Variants in CAP2 observed in about 807,000 individuals in gnomAD.
The protein encoded by CAP2 is cyclase associated actin cytoskeleton regulatory protein 2, also known as adenylyl cyclase-associated protein 2.
Under a neutral mutation model 57.7 loss-of-function variants are expected in CAP2, and 24 were observed. That is an observed-to-expected ratio of 0.42 (90% CI 0.30 to 0.58). The LOEUF (loss-of-function observed/expected upper bound fraction) is 0.58, where lower values mean the gene tolerates loss of function less well. Ranked by LOEUF, CAP2 falls within the 20% of genes least tolerant of loss-of-function variation. The pLI is 0.22. For synonymous variants in CAP2, 194 were observed against 207.2 expected (o/e 0.94, Z 0.55); for missense variants, 501 against 590.3 (o/e 0.85, Z 1.57).
chr6:17,412,370 G>C (rs1022646922), intron 1 of CAP2, among the ~76,000 whole-genome samples: 1 of 152,174 alleles, frequency 6.6e-6, no homozygotes, highest in Non-Finnish European at 1.5e-5. Context: ...TTAAGCCACT[G>C]AATGAGGAAG....
chr6:17,443,879 TATAAC>T (rs1393604085), intron 3 of CAP2, among the ~76,000 whole-genome samples: 3 of 152,240 alleles, frequency 2.0e-5, no homozygotes, highest in South Asian at 4.1e-4. Flanking sequence ...ACACATATGT[TATAAC>T]ATATTACACA....
rs192559993 is a variant in CAP2, at chr6:17,489,123, C to T, written c.301-18046C>T. Among the ~76,000 whole-genome samples the T allele has an allele frequency of 5.7e-3, 872 of 152,222 alleles. 6 individuals are homozygous for T. The highest frequency in any genetic ancestry group is 0.017 in the Middle Eastern group (5 of 294). On this transcript the variant is annotated intron_variant, in intron 4 of 12. Coordinates refer to ENST00000229922, the MANE Select transcript of CAP2 (RefSeq NM_006366.3). ...AATAAAATTGATGGCCACCATGAGC[C>T]ACAGAGAAACTACCTTTAAAGAAAA...
chr6:17,487,452 G>GGTTTGTTT (rs71819597), intron 4 of CAP2, among the ~76,000 whole-genome samples: 1,571 of 151,410 alleles, frequency 0.01, 22 homozygotes, highest in African/African-American at 0.036. Flanking sequence ...CCACCAGGTG[G>GGTTTGTTT]GTTTGTTTGT....
At position 17,543,562 on chromosome 6, in the gene CAP2, A is replaced by G. The variant is rs1762959891; in HGVS notation, c.1209+419A>G. On this transcript the variant is annotated intron_variant, in intron 11 of 12. Transcript: ENST00000229922. ...CGTGAACCCAGGAGGTGGAGCTTGCAGTGAGCGAGCCAAGATCGCGCCACT... is the reference window on the plus strand; with the variant it reads ...CGTGAACCCAGGAGGTGGAGCTTGCGGTGAGCGAGCCAAGATCGCGCCACT... 3.4e-5 allele frequency among the ~76,000 whole-genome samples: 5 copies of G among 146,316 alleles called. No homozygotes were observed. The South Asian group carries it at 1.1e-3, about 32-fold the overall frequency.
At chr6:17,474,185 C>CTTTTTTTTTTTTTTTTTT (rs544909381) in intron 4 of CAP2, among the ~76,000 whole-genome samples, 8 of 93,210 alleles carry the variant, frequency 8.6e-5, no homozygotes, top group Non-Finnish European at 1.2e-4. Context: ...AAAAAACAGT[C>CTTTTTTTTTTTTTTTTTT]TTTTTTTTTT....
At chr6:17,498,950 C>T (rs1364561464) in intron 4 of CAP2, among the ~76,000 whole-genome samples, 1 of 151,728 alleles carries the variant, frequency 6.6e-6, no homozygotes, top group African/African-American at 2.4e-5. Context: ...AGGATGGTCT[C>T]AATCTCCTGA....
chr6:17,425,931 C>CA (rs1321326651), intron 2 of CAP2, among the ~76,000 whole-genome samples: 2 of 151,868 alleles, frequency 1.3e-5, no homozygotes, highest in Admixed American at 6.6e-5. Flanking sequence ...CCTGTCTCTA[C>CA]AAAAACTACA....
Position 17,539,335 on chromosome 6 carries a change from C to G in CAP2, c.703C>G (p.Pro235Ala), listed in dbSNP as rs766800946. 6.3e-5 allele frequency: 101 copies of G among 1,613,882 alleles called. No individual in the cohort carries two copies. The Middle Eastern group carries it at 6.6e-4, about 11-fold the overall frequency. ...LSSGPGLPPP[P>A]PPLPPPGPPP... is the part of the protein sequence containing the mutation. ...CTCTGGGCCTGGCCTTCCTCCACCC[C>G]CTCCTCCTCTGCCTCCTCCAGGGCC... The change falls in exon 8 of 13, where the codon CCT (proline) becomes GCT (alanine). Residue 235 changes from proline to alanine, a missense_variant. Transcript: ENST00000229922.
At chr6:17,451,059 T>G (rs1459494528) in intron 3 of CAP2, among the ~76,000 whole-genome samples, 1 of 152,150 alleles carries the variant, frequency 6.6e-6, no homozygotes, top group Admixed American at 6.5e-5. Context: ...AGACTCCGTT[T>G]TATTGTGCAC....
At chr6:17,500,023 T>C (rs1761764511) in intron 4 of CAP2, among the ~76,000 whole-genome samples, 1 of 151,780 alleles carries the variant, frequency 6.6e-6, no homozygotes. Flanking sequence ...ATGGCAACTG[T>C]TGTAAAATCA....
intron 3 of CAP2, among the ~76,000 whole-genome samples, chr6:17,442,611 G>A (rs577516893): frequency 3.9e-5 from 6 of 152,168 alleles, no homozygotes; most frequent in Admixed American, 1.3e-4. Flanking sequence ...GAGCTGGCTG[G>A]GTGTGGTGGT....
At chr6:17,398,723 A>C (rs992031117) in intron 1 of CAP2, among the ~76,000 whole-genome samples, 5 of 151,886 alleles carry the variant, frequency 3.3e-5, no homozygotes, top group African/African-American at 4.8e-5. Flanking sequence ...ACGGGATTTC[A>C]CCGTGTTAGC....
intron 2 of CAP2, among the ~76,000 whole-genome samples, chr6:17,424,955 T>A (rs1759549916): frequency 6.6e-6 from 1 of 152,232 alleles, no homozygotes; most frequent in Non-Finnish European, 1.5e-5. Context: ...GCCTTTGGGC[T>A]TGTGTCCTTT....
At chr6:17,495,170 C>T (rs1761633433) in intron 4 of CAP2, among the ~76,000 whole-genome samples, 1 of 152,068 alleles carries the variant, frequency 6.6e-6, no homozygotes, top group Non-Finnish European at 1.5e-5. Flanking sequence ...CCTGGAGAAC[C>T]CTGACTAATA....
At chr6:17,526,696 G>A (rs950970208) in intron 7 of CAP2, among the ~76,000 whole-genome samples, 3 of 152,132 alleles carry the variant, frequency 2.0e-5, no homozygotes, top group Non-Finnish European at 4.4e-5. Flanking sequence ...AGTGGCTCCC[G>A]CCTGTAATTC....
At chr6:17,451,116 T>C (rs1760390376) in intron 3 of CAP2, among the ~76,000 whole-genome samples, 2 of 152,134 alleles carry the variant, frequency 1.3e-5, no homozygotes, top group Non-Finnish European at 2.9e-5. Context: ...GTAGCCTTTA[T>C]TAAATCTCTT....
chr6:17,469,884 A>G (rs529881107), intron 4 of CAP2, among the ~76,000 whole-genome samples: 1 of 152,348 alleles, frequency 6.6e-6, no homozygotes, highest in Admixed American at 6.5e-5. Context: ...AGCAGTCATC[A>G]AATTTGTTAA....
intron 1 of CAP2, among the ~76,000 whole-genome samples, chr6:17,404,428 A>G (rs901506273): frequency 3.3e-5 from 5 of 152,216 alleles, no homozygotes; most frequent in South Asian, 2.1e-4. Context: ...ACACGGTGAA[A>G]CCCCGTCTCT....
intron 4 of CAP2, among the ~76,000 whole-genome samples, chr6:17,498,249 A>G (rs888474370): frequency 1.3e-5 from 2 of 152,240 alleles, no homozygotes; most frequent in Non-Finnish European, 2.9e-5. Flanking sequence ...GGAAGTGACA[A>G]AAAAACGTGT....
Sources: allele counts gnomAD v4.1 joint callset (sites outside exome capture counted in the v4.1 genomes callset), GRCh38; gene constraint gnomAD v4.1.1; transcripts MANE v1.5; gene names NCBI Gene and HGNC (gene_info 2026-07-23, HGNC 2026-07-21).